Variants in COL26A1 observed in about 807,000 individuals in gnomAD.
The protein encoded by COL26A1 is collagen alpha-1(XXVI) chain.
COL26A1 carries 41 observed loss-of-function variants against 59.3 expected under a neutral mutation model. The observed-to-expected ratio is 0.69, with a 90% CI of 0.54 to 0.90. The LOEUF (loss-of-function observed/expected upper bound fraction) is 0.90, where lower values mean the gene tolerates loss of function less well. COL26A1 is among the 40% of genes least tolerant of loss of function. COL26A1 has a pLI of 0.00. For missense variants in COL26A1, 612 were observed against 602.3 expected (o/e 1.02, Z -0.17); for synonymous variants, 266 against 256.0 (o/e 1.04, Z -0.37).
intron 3 of COL26A1, among the ~76,000 whole-genome samples, chr7:101,520,064 G>C (rs2130607562): frequency 1.3e-5 from 2 of 152,312 alleles, no homozygotes; most frequent in East Asian, 3.9e-4. Context: ...GCCTGGTCCA[G>C]ATCTTTACCC....
intron 7 of COL26A1, among the ~76,000 whole-genome samples, chr7:101,546,612 C>T (rs1297939427): frequency 1.3e-5 from 2 of 152,016 alleles, no homozygotes; most frequent in East Asian, 1.9e-4. Flanking sequence ...ATGGCATTGC[C>T]CTGGGGCCCT....
At chr7:101,382,309 G>A (rs1263113876) in intron 1 of COL26A1, among the ~76,000 whole-genome samples, 2 of 152,148 alleles carry the variant, frequency 1.3e-5, no homozygotes, top group East Asian at 1.9e-4. Context: ...GCCTCCCAAA[G>A]CACTGGGATT....
chr7:101,456,339 G>A (rs985239859), intron 3 of COL26A1, among the ~76,000 whole-genome samples: 1 of 151,548 alleles, frequency 6.6e-6, no homozygotes, highest in African/African-American at 2.4e-5. Context: ...AGCCTCCCAA[G>A]GAGCTGGGAC....
At chr7:101,412,282 G>A (rs1182434959) in intron 1 of COL26A1, among the ~76,000 whole-genome samples, 1 of 151,998 alleles carries the variant, frequency 6.6e-6, no homozygotes, top group African/African-American at 2.4e-5. Flanking sequence ...CCATGACAAC[G>A]ACCCAACAAC....
At chr7:101,520,490 C>G (rs1362577411) in intron 3 of COL26A1, among the ~76,000 whole-genome samples, 1 of 152,092 alleles carries the variant, frequency 6.6e-6, no homozygotes, top group East Asian at 1.9e-4. Context: ...ACGCGACCAC[C>G]CTGGGCAACA....
chr7:101,394,905 G>T (rs1398643249), intron 1 of COL26A1, among the ~76,000 whole-genome samples: 6 of 122,688 alleles, frequency 4.9e-5, no homozygotes, highest in African/African-American at 1.6e-4. Flanking sequence ...ACAGAGTCTC[G>T]TGCTGTCACC....
At chr7:101,485,457 G>A (rs929325947) in intron 3 of COL26A1, among the ~76,000 whole-genome samples, 5 of 152,182 alleles carry the variant, frequency 3.3e-5, no homozygotes, top group Non-Finnish European at 7.3e-5. Flanking sequence ...TGCTGCAGGG[G>A]CAACCAAGAC....
intron 8 of COL26A1, among the ~76,000 whole-genome samples, chr7:101,547,647 C>T (rs1314956414): frequency 6.6e-6 from 1 of 152,230 alleles, no homozygotes; most frequent in African/African-American, 2.4e-5. Context: ...CCACATTCCT[C>T]ATTGGGGGAA....
At chr7:101,493,485 C>T (rs1207318948) in intron 3 of COL26A1, among the ~76,000 whole-genome samples, 1 of 152,112 alleles carries the variant, frequency 6.6e-6, no homozygotes, top group Non-Finnish European at 1.5e-5. Flanking sequence ...GTCACCTTGG[C>T]CAGGGCTCTT....
At chr7:101,493,481 T>C (rs1270533231) in intron 3 of COL26A1, among the ~76,000 whole-genome samples, 1 of 152,154 alleles carries the variant, frequency 6.6e-6, no homozygotes, top group African/African-American at 2.4e-5. Context: ...AGCTGTCACC[T>C]TGGCCAGGGC....
rs115991188 is a variant in COL26A1 at position 101,551,165 on chromosome 7, G to C, written c.1029+22G>C. The C allele has an allele frequency of 2.9e-3, 4,513 of 1,554,136 alleles. 109 individuals carry two copies. In the African/African-American group the frequency reaches 0.054, roughly 19 times the overall value. ...GTCCGTAAGTGTGGGCTGTGCAGAT[G>C]GGCCTGGGCCACTCCCAGGCAGAGG... On this transcript the variant is annotated intron_variant, in intron 10 of 12. Coordinates refer to ENST00000313669, the MANE Select transcript of COL26A1 (RefSeq NM_001278563.3).
chr7:101,523,633 T>C (rs1323325046), intron 3 of COL26A1, among the ~76,000 whole-genome samples: 1 of 152,228 alleles, frequency 6.6e-6, no homozygotes, highest in Non-Finnish European at 1.5e-5. Flanking sequence ...TTTATTGATA[T>C]GTCTATCCTT....
intron 4 of COL26A1, among the ~76,000 whole-genome samples, chr7:101,534,539 T>C (rs1434354181): frequency 1.3e-5 from 2 of 151,676 alleles, no homozygotes; most frequent in Non-Finnish European, 2.9e-5. Flanking sequence ...CACAGACACA[T>C]GCACACACAC....
intron 2 of COL26A1, among the ~76,000 whole-genome samples, chr7:101,444,964 C>G (rs568394194): frequency 9.9e-5 from 15 of 152,114 alleles, no homozygotes; most frequent in African/African-American, 3.6e-4. Context: ...CCTCAGCCTC[C>G]TGAGTAGCTG....
intron 3 of COL26A1, among the ~76,000 whole-genome samples, chr7:101,521,314 A>G (rs527499046): frequency 1.3e-5 from 2 of 152,330 alleles, no homozygotes; most frequent in East Asian, 3.9e-4. Flanking sequence ...GCCAAACCAT[A>G]TTACCCTATC....
chr7:101,535,788 T>C (rs912826754), intron 4 of COL26A1, among the ~76,000 whole-genome samples: 4 of 152,190 alleles, frequency 2.6e-5, no homozygotes, highest in Admixed American at 6.5e-5. Flanking sequence ...TCACTTCGTT[T>C]TGAGGCTGGT....
intron 3 of COL26A1, among the ~76,000 whole-genome samples, chr7:101,517,575 G>A (rs986808087): frequency 6.6e-6 from 1 of 152,040 alleles, no homozygotes; most frequent in Admixed American, 6.6e-5. Flanking sequence ...TCACGAGAAC[G>A]GCATGAGAAA....
Position 101,385,231 on chromosome 7 carries a change from C to CTA in COL26A1, c.158+22060_158+22061dup, listed in dbSNP as rs1195666668. On this transcript the variant is annotated intron_variant, in intron 1 of 12. Coordinates refer to ENST00000313669, the MANE Select transcript of COL26A1 (RefSeq NM_001278563.3). Reference sequence around the variant, plus strand: ...CTATATATACACACACACACACACACTATATATATATATATATATACACAC... The same window carrying CTA: ...CTATATATACACACACACACACACACTATATATATATATATATATATACACAC... Among the ~76,000 whole-genome samples, 238 of 58,092 alleles carry CTA rather than the reference C, an allele frequency of 4.1e-3. 1 individual carries two copies. Among genetic ancestry groups the CTA allele is most frequent in the East Asian group, 0.025 (49 of 1,966 alleles). The allele number at this position is 58,092 out of a possible 152,430, so 38.1% of individuals were successfully genotyped here.
intron 5 of COL26A1, among the ~76,000 whole-genome samples, chr7:101,542,688 C>T (rs1188954616): frequency 5.3e-5 from 8 of 152,110 alleles, no homozygotes; most frequent in Admixed American, 2.6e-4. Context: ...GTCCCAGGGC[C>T]GGGGAAGGAG....
Sources: gnomAD v4.1 joint callset for allele counts (sites outside exome capture counted in the v4.1 genomes callset) on GRCh38, gnomAD v4.1.1 for gene constraint, MANE v1.5 for transcripts, NCBI Gene and HGNC (gene_info 2026-07-23, HGNC 2026-07-21) for gene names.